Variants in UHRF2 observed in about 807,000 individuals in gnomAD.
UHRF2 encodes the protein E3 ubiquitin-protein ligase UHRF2.
A neutral mutation model predicts 96.8 loss-of-function variants in UHRF2; 23 were observed. The ratio of observed to expected loss-of-function variants is 0.24; its 90% CI spans 0.17 to 0.34. UHRF2 has a LOEUF of 0.34. UHRF2 is among the 10% of genes least tolerant of loss of function. UHRF2 has a pLI of 1.00. For missense variants in UHRF2, 685 were observed against 981.5 expected, an observed-to-expected ratio of 0.70 and a Z score of 4.04; for synonymous variants, 385 against 332.6, an observed-to-expected ratio of 1.16 and a Z score of -1.72.
At chr9:6,442,077 G>T (rs1821198644) in intron 3 of UHRF2, among the ~76,000 whole-genome samples, 2 of 152,100 alleles carry the variant, frequency 1.3e-5, no homozygotes, top group South Asian at 4.1e-4. Flanking sequence ...CAATTCTCAT[G>T]CCTTAGCCTG....
At chr9:6,461,094 A>G (rs1822508338) in intron 4 of UHRF2, among the ~76,000 whole-genome samples, 1 of 152,214 alleles carries the variant, frequency 6.6e-6, no homozygotes. Context: ...AATATATAAA[A>G]GCATTTTAAT....
chr9:6,462,864 C>T (rs980773746), intron 4 of UHRF2, among the ~76,000 whole-genome samples: 7 of 152,180 alleles, frequency 4.6e-5, no homozygotes, highest in African/African-American at 1.7e-4. Context: ...TTGCAGTAAG[C>T]CGAGATCATG....
chr9:6,422,712 TG>T, intron 2 of UHRF2: 1 of 537,132 alleles, frequency 1.9e-6, no homozygotes, highest in Non-Finnish European at 3.5e-6. Context: ...TGGGGTCAAG[TG>T]ATCTTCCTGC....
At chr9:6,475,348 G>C (rs1479245257) in intron 4 of UHRF2, 43 bp from the exon 5 acceptor site, 25 of 1,289,438 alleles carry the variant, frequency 1.9e-5, no homozygotes, top group Non-Finnish European at 2.4e-5. Context: ...ATATACCTTA[G>C]ATTTTGCTGG....
At chr9:6,494,499 G>A (rs538153590) in intron 10 of UHRF2, 4 of 152,152 alleles carry the variant, frequency 2.6e-5, no homozygotes, top group Admixed American at 6.5e-5. Context: ...GAGCCACCGT[G>A]TGCTGATCTT....
chr9:6,495,979 A>G (rs924459475), intron 10 of UHRF2: 4 of 152,018 alleles, frequency 2.6e-5, no homozygotes, highest in African/African-American at 9.7e-5. Context: ...CAGAATTTTA[A>G]TGCATCTTCC....
chr9:6,500,420 G>T, intron 13 of UHRF2, 132 bp from the exon 14 acceptor site: 2 of 723,344 alleles, frequency 2.8e-6, no homozygotes, highest in Non-Finnish European at 4.2e-6. Context: ...CTAAATTTTA[G>T]GGGAAATTAG....
chr9:6,486,803 TC>T lies in UHRF2; in HGVS notation c.1393-17del. ...ACTGTTCAGAGGTATTTTGAGACTC[TC>T]TTTAATTGTTTTATAGGTGAGCGAA... On this transcript the variant is annotated splice_polypyrimidine_tract_variant and intron_variant, in intron 8 of 15. Transcript: ENST00000276893. 6.2e-7 allele frequency: 1 copy of T among 1,612,478 alleles called. No homozygotes were observed. The highest frequency in any genetic ancestry group is 8.5e-7 in the Non-Finnish European group (1 of 1,178,718).
chr9:6,432,497 T>G (rs1385209927), intron 2 of UHRF2, among the ~76,000 whole-genome samples: 1 of 152,216 alleles, frequency 6.6e-6, no homozygotes, highest in Non-Finnish European at 1.5e-5. Context: ...AGTCAAGATG[T>G]CTTCAAATCC....
At chr9:6,448,795 T>G (rs908198563) in intron 3 of UHRF2, among the ~76,000 whole-genome samples, 4 of 152,230 alleles carry the variant, frequency 2.6e-5, no homozygotes, top group African/African-American at 9.6e-5. Flanking sequence ...GTAGACAGAC[T>G]ACTTGTCTTC....
At chr9:6,415,004 A>G (rs1320020133) in intron 1 of UHRF2, 1 of 152,192 alleles carries the variant, frequency 6.6e-6, no homozygotes, top group Non-Finnish European at 1.5e-5. Flanking sequence ...AGTGGCTGAT[A>G]CCGTTTCCTT....
intron 1 of UHRF2, among the ~76,000 whole-genome samples, chr9:6,416,883 C>T (rs888265975): frequency 6.6e-6 from 1 of 152,158 alleles, no homozygotes; most frequent in Non-Finnish European, 1.5e-5. Flanking sequence ...TCTCGTCATT[C>T]TTTCACTCCT....
At chr9:6,472,781 C>T (rs749498581) in intron 4 of UHRF2, among the ~76,000 whole-genome samples, 3 of 152,112 alleles carry the variant, frequency 2.0e-5, no homozygotes, top group Middle Eastern at 3.4e-3. Context: ...CAATGTCTTG[C>T]GTGTAATGTG....
intron 14 of UHRF2, among the ~76,000 whole-genome samples, chr9:6,502,247 G>T (rs906624108): frequency 1.3e-5 from 2 of 152,116 alleles, no homozygotes; most frequent in African/African-American, 4.8e-5. Flanking sequence ...GTACTCTTGT[G>T]CCCAGATTGC....
intron 9 of UHRF2, among the ~76,000 whole-genome samples, chr9:6,489,220 G>C (rs1255794440): frequency 6.6e-6 from 1 of 152,162 alleles, no homozygotes; most frequent in Non-Finnish European, 1.5e-5. Context: ...TGATTCTCTG[G>C]AGATTGTGGC....
intron 4 of UHRF2, chr9:6,468,845 T>G: frequency 5.4e-6 from 2 of 367,096 alleles, no homozygotes; most frequent in South Asian, 4.1e-5. Context: ...AAATCTTACT[T>G]AAAGACTGTA....
At chr9:6,415,321 C>G (rs1179555551) in intron 1 of UHRF2, 2 of 152,232 alleles carry the variant, frequency 1.3e-5, no homozygotes, top group African/African-American at 4.8e-5. Context: ...GGGTAATTCA[C>G]TACTTGGGTT....
chr9:6,430,506 C>A (rs1468242180), intron 2 of UHRF2, among the ~76,000 whole-genome samples: 8 of 152,096 alleles, frequency 5.3e-5, no homozygotes. Flanking sequence ...GCCCTTTTTC[C>A]TAGAGCTAGC....
chr9:6,432,230 G>C (rs1215820273), intron 2 of UHRF2, among the ~76,000 whole-genome samples: 1 of 152,070 alleles, frequency 6.6e-6, no homozygotes, highest in Non-Finnish European at 1.5e-5. Context: ...TAAACTTTAT[G>C]TCTTTCAAGC....
Sources: allele counts gnomAD v4.1 joint callset (sites outside exome capture counted in the v4.1 genomes callset), GRCh38; gene constraint gnomAD v4.1.1; transcripts MANE v1.5; gene names NCBI Gene and HGNC (gene_info 2026-07-23, HGNC 2026-07-21).